CRIM1: variants seen among roughly 807,000 people sequenced by gnomAD.
The protein encoded by CRIM1 is cysteine-rich motor neuron 1 protein.
A neutral mutation model predicts 116.4 loss-of-function variants in CRIM1; 32 were observed. The observed-to-expected ratio is 0.27, with a 90% CI of 0.21 to 0.37. The LOEUF (loss-of-function observed/expected upper bound fraction) is 0.37. Ranked by LOEUF, CRIM1 falls within the 10% of genes least tolerant of loss-of-function variation. CRIM1 has a pLI of 1.00. For missense variants in CRIM1, 1,331 were observed against 1,354.8 expected, an observed-to-expected ratio of 0.98 and a Z score of 0.28; for synonymous variants, 590 against 509.2, an observed-to-expected ratio of 1.16 and a Z score of -2.13.
chr2:36,388,597 T>G (rs1056165719), intron 1 of CRIM1, among the ~76,000 whole-genome samples: 9 of 152,130 alleles, frequency 5.9e-5, no homozygotes, highest in Non-Finnish European at 1.0e-4. Flanking sequence ...CGTGAATGAG[T>G]GACAGAGCTA....
Position 36,415,098 on chromosome 2 carries a change from T to G in CRIM1, c.505+18311T>G, listed in dbSNP as rs920038130. Among the ~76,000 whole-genome samples the G allele has an allele frequency of 3.9e-5, 6 of 152,078 alleles. No homozygotes were observed. The South Asian group carries it at 6.2e-4, about 16-fold the overall frequency. On this transcript the variant is annotated intron_variant, in intron 2 of 16. Coordinates refer to ENST00000280527, the MANE Select transcript of CRIM1 (RefSeq NM_016441.3). ...CAGAGGAGTTGGATAGATTCTCTGT[T>G]CCATTTGGAAATACAGTTAAAAGGG...
At chr2:36,543,404 C>G (rs986460505) in intron 14 of CRIM1, among the ~76,000 whole-genome samples, 4 of 152,146 alleles carry the variant, frequency 2.6e-5, no homozygotes, top group Non-Finnish European at 4.4e-5. Flanking sequence ...ATTATTAATC[C>G]TATTTTAATT....
At chr2:36,490,992 A>G (rs1459744624) in intron 7 of CRIM1, among the ~76,000 whole-genome samples, 1 of 152,130 alleles carries the variant, frequency 6.6e-6, no homozygotes, top group Non-Finnish European at 1.5e-5. Context: ...CCGGTTGTCA[A>G]TTTGCCAAGC....
chr2:36,402,989 A>T (rs1672531817), intron 2 of CRIM1, among the ~76,000 whole-genome samples: 1 of 152,194 alleles, frequency 6.6e-6, no homozygotes, highest in Non-Finnish European at 1.5e-5. Context: ...TCTATGGTGT[A>T]TAATTACAAA....
intron 8 of CRIM1, among the ~76,000 whole-genome samples, chr2:36,504,518 T>C (rs1681246925): frequency 6.6e-6 from 1 of 152,208 alleles, no homozygotes; most frequent in Admixed American, 6.5e-5. Flanking sequence ...AATTTGCCGT[T>C]TTAATCGGTA....
At chr2:36,501,908 T>G (rs1681028077) in intron 8 of CRIM1, among the ~76,000 whole-genome samples, 1 of 152,216 alleles carries the variant, frequency 6.6e-6, no homozygotes, top group African/African-American at 2.4e-5. Flanking sequence ...AGAGTTGCCT[T>G]GGCAGCCCAA....
intron 2 of CRIM1, among the ~76,000 whole-genome samples, chr2:36,402,574 T>C (rs983798882): frequency 6.6e-6 from 1 of 151,866 alleles, no homozygotes; most frequent in African/African-American, 2.4e-5. Flanking sequence ...GATTTGTCTT[T>C]TAAAAGATGA....
intron 2 of CRIM1, among the ~76,000 whole-genome samples, chr2:36,402,229 T>A (rs1205803026): frequency 6.6e-6 from 1 of 152,124 alleles, no homozygotes; most frequent in Non-Finnish European, 1.5e-5. Context: ...GATAGAGAAT[T>A]ACTTGGAAAA....
At chr2:36,539,262 G>A (rs1319470164) in intron 14 of CRIM1, among the ~76,000 whole-genome samples, 1 of 152,190 alleles carries the variant, frequency 6.6e-6, no homozygotes, top group Admixed American at 6.5e-5. Flanking sequence ...TGGGGAACAG[G>A]CAGAACCTCT....
At chr2:36,396,894 G>A (rs1291368037) in intron 2 of CRIM1, 107 bp downstream of exon 2, 1 of 961,782 alleles carries the variant, frequency 1.0e-6, no homozygotes, top group African/African-American at 1.6e-5. Flanking sequence ...TTTACAGAGA[G>A]TGGTAGTTTG....
At chr2:36,494,179 T>C (rs1680421629) in intron 7 of CRIM1, among the ~76,000 whole-genome samples, 1 of 152,234 alleles carries the variant, frequency 6.6e-6, no homozygotes, top group Non-Finnish European at 1.5e-5. Context: ...CATTTTAACT[T>C]TATATTTTTA....
intron 7 of CRIM1, among the ~76,000 whole-genome samples, chr2:36,497,843 G>A (rs1176478197): frequency 6.6e-6 from 1 of 152,178 alleles, no homozygotes; most frequent in Non-Finnish European, 1.5e-5. Context: ...CTTGATCTCA[G>A]CAGTGGCAGC....
At chr2:36,513,509 C>A in intron 10 of CRIM1, 47 bp from the exon 11 acceptor site, 1 of 1,505,062 alleles carries the variant, frequency 6.6e-7, no homozygotes, top group South Asian at 1.1e-5. Context: ...GCCTGTTTCT[C>A]CTGTGCAGTA....
chr2:36,446,760 G>A (rs934111872), intron 4 of CRIM1, among the ~76,000 whole-genome samples: 1 of 152,166 alleles, frequency 6.6e-6, no homozygotes, highest in Non-Finnish European at 1.5e-5. Context: ...TCAGGAGAGG[G>A]TGGAGAGGGA....
intron 1 of CRIM1, among the ~76,000 whole-genome samples, chr2:36,387,574 A>G (rs576311679): frequency 3.0e-4 from 45 of 152,338 alleles, no homozygotes; most frequent in African/African-American, 1.0e-3. Context: ...AGGGAATATA[A>G]GAGAGTTAAG....
intron 3 of CRIM1, among the ~76,000 whole-genome samples, chr2:36,442,257 T>G (rs181220326): frequency 1.3e-5 from 2 of 152,240 alleles, no homozygotes; most frequent in Non-Finnish European, 2.9e-5. Context: ...CTTTTTTTTT[T>G]TTAACTGCTA....
intron 10 of CRIM1, 64 bp from the exon 11 acceptor site, chr2:36,513,492 C>A: frequency 7.4e-7 from 1 of 1,350,964 alleles, no homozygotes; most frequent in Non-Finnish European, 1.1e-6. Flanking sequence ...CATGTACAGA[C>A]TCTGTAGCCT....
rs190942923 is a variant in CRIM1 at position 36,362,961 on chromosome 2, G to T, written c.331+6338G>T. On this transcript the variant is annotated intron_variant, in intron 1 of 16. Transcript: ENST00000280527. The stretch of plus-strand genomic sequence containing the variant: ...GCCTGTAATCCCAGCACTTTGTGGG[G>T]CTGAGGCAGATGGATCGCCTGAGGT... 2.4e-3 allele frequency among the ~76,000 whole-genome samples: 360 copies of T among 152,158 alleles called. 3 individuals are homozygous for T. Among genetic ancestry groups the T allele is most frequent in the African/African-American group, 8.3e-3 (344 of 41,506 alleles).
intron 7 of CRIM1, among the ~76,000 whole-genome samples, chr2:36,488,106 A>C (rs530624394): frequency 4.6e-5 from 7 of 152,340 alleles, no homozygotes; most frequent in African/African-American, 1.7e-4. Flanking sequence ...CACATTGCTT[A>C]ATATATGAGG....
Sources: gnomAD v4.1 joint callset for allele counts (sites outside exome capture counted in the v4.1 genomes callset) on GRCh38, gnomAD v4.1.1 for gene constraint, MANE v1.5 for transcripts, NCBI Gene and HGNC (gene_info 2026-07-23, HGNC 2026-07-21) for gene names.